FBXW11: variants seen among roughly 807,000 people sequenced by gnomAD.
FBXW11 encodes F-box and WD repeat domain containing 11.
In FBXW11, 19 loss-of-function variants were observed where a neutral mutation model predicts 77.6. The observed-to-expected ratio is 0.24, with a 90% CI of 0.17 to 0.36. The LOEUF is 0.36. FBXW11 is among the 10% of genes least tolerant of loss of function. FBXW11 has a pLI of 1.00. For missense variants in FBXW11, 334 were observed against 704.2 expected (o/e 0.47, Z 5.95); for synonymous variants, 235 against 249.4 (o/e 0.94, Z 0.54).
At chr5:171,967,301 A>G (rs553141229) in intron 1 of FBXW11, among the ~76,000 whole-genome samples, 1 of 152,362 alleles carries the variant, frequency 6.6e-6, no homozygotes, top group East Asian at 1.9e-4. Flanking sequence ...ATCACTGTTC[A>G]TAATAGCAAA....
chr5:172,004,317 C>T (rs1333018554), intron 1 of FBXW11, among the ~76,000 whole-genome samples: 1 of 152,140 alleles, frequency 6.6e-6, no homozygotes, highest in African/African-American at 2.4e-5. Flanking sequence ...AATAAAAGGC[C>T]ATTTTAAAAT....
chr5:171,909,297 A>C (rs898236312), intron 4 of FBXW11, among the ~76,000 whole-genome samples: 1 of 152,166 alleles, frequency 6.6e-6, no homozygotes, highest in Non-Finnish European at 1.5e-5. Flanking sequence ...GAAAAACAAA[A>C]AGGTGGTACA....
At position 171,904,850 on chromosome 5, in the gene FBXW11, G is replaced by C. The variant is rs932210937; in HGVS notation, c.437-4750C>G. On this transcript the variant is annotated intron_variant, in intron 4 of 13. Coordinates refer to ENST00000517395, the MANE Select transcript of FBXW11 (RefSeq NM_001378974.1). The surrounding 1 kb of genome is among the most constrained non-coding windows in gnomAD (Gnocchi z 4.0). Reference sequence around the variant, plus strand: ...CTCCCAAAGTGCTGGGATTACAGGTGTGAGCCACCGTGCCCAGCCAGGAAT... The same window carrying C: ...CTCCCAAAGTGCTGGGATTACAGGTCTGAGCCACCGTGCCCAGCCAGGAAT... Among the ~76,000 whole-genome samples, 5 of 152,056 alleles carry C rather than the reference G, an allele frequency of 3.3e-5. No homozygotes were observed. The highest frequency in any genetic ancestry group is 1.2e-4 in the African/African-American group (5 of 41,390).
chr5:171,889,959 A>G (rs1449660017), intron 7 of FBXW11, among the ~76,000 whole-genome samples: 24 of 152,156 alleles, frequency 1.6e-4, no homozygotes, highest in Admixed American at 1.2e-3. Flanking sequence ...ATATATGCAA[A>G]ACATATCTAG....
chr5:171,983,651 T>C (rs1765275617), intron 1 of FBXW11, among the ~76,000 whole-genome samples: 1 of 152,160 alleles, frequency 6.6e-6, no homozygotes, highest in African/African-American at 2.4e-5. Context: ...TCCCACACAT[T>C]TGGTCACAGA....
chr5:171,969,140 T>C (rs895493897), intron 1 of FBXW11, among the ~76,000 whole-genome samples: 1 of 152,104 alleles, frequency 6.6e-6, no homozygotes, highest in African/African-American at 2.4e-5. Flanking sequence ...TGGTGGCACA[T>C]GCCTGTAACC....
Position 171,931,607 on chromosome 5 carries a change from G to C in FBXW11, c.148-17202C>G, listed in dbSNP as rs1424437619. ...ATAGGAGAAAATCTAGATGATCTTA[G>C]GTTTGTTGATTACTTTCTTAGACAT... On this transcript the variant is annotated intron_variant, in intron 2 of 13. Transcript: ENST00000517395. Among the ~76,000 whole-genome samples the C allele has an allele frequency of 3.9e-5, 6 of 152,118 alleles. No homozygotes were observed. The East Asian group carries it at 1.2e-3, about 29-fold the overall frequency.
intron 2 of FBXW11, among the ~76,000 whole-genome samples, chr5:171,923,285 C>A (rs779485267): frequency 2.0e-5 from 3 of 152,138 alleles, no homozygotes; most frequent in Non-Finnish European, 2.9e-5. Flanking sequence ...TATATATATT[C>A]TAGAATGAAC....
chr5:171,889,911 A>T lies in FBXW11; in HGVS notation c.852+1556T>A, dbSNP rs191906375. Among the ~76,000 whole-genome samples the T allele has an allele frequency of 3.1e-3, 467 of 152,252 alleles. 3 individuals are homozygous for T. The highest frequency in any genetic ancestry group is 4.8e-3 in the Non-Finnish European group (329 of 68,020). On this transcript the variant is annotated intron_variant, in intron 7 of 13. Transcript: ENST00000517395. ...GTCTCAAAAAAAATTTTTTTTAAAT[A>T]AAAAGAAAATGAAAAGACAACTCAC...
chr5:171,931,860 C>CT (rs1762220597), intron 2 of FBXW11, among the ~76,000 whole-genome samples: 1 of 6,274 alleles, frequency 1.6e-4, no homozygotes, highest in Non-Finnish European at 4.3e-4. Flanking sequence ...TCCCTCCCTC[C>CT]CTCTCTCTCT....
chr5:171,965,295 G>T (rs1372595663), intron 1 of FBXW11, among the ~76,000 whole-genome samples: 1 of 152,126 alleles, frequency 6.6e-6, no homozygotes, highest in Non-Finnish European at 1.5e-5. Flanking sequence ...GGAGGCCAAG[G>T]CAGGAGATTA....
chr5:171,866,256 C>G (rs1757382737), intron 13 of FBXW11, among the ~76,000 whole-genome samples: 1 of 143,402 alleles, frequency 7.0e-6, no homozygotes, highest in African/African-American at 2.7e-5. Flanking sequence ...CAGAGCAAGA[C>G]ATTGTCTCAA....
chr5:171,919,786 C>T (rs1761471038), intron 2 of FBXW11, among the ~76,000 whole-genome samples: 1 of 152,194 alleles, frequency 6.6e-6, no homozygotes. Flanking sequence ...CCCAGTTAGA[C>T]TGCATATATA....
intron 1 of FBXW11, among the ~76,000 whole-genome samples, chr5:171,983,144 TG>T (rs1765243589): frequency 6.6e-6 from 1 of 152,074 alleles, no homozygotes; most frequent in South Asian, 2.1e-4. Context: ...GAGCTGTTTG[TG>T]CCGCTACACT....
rs1399832821 is a variant in FBXW11, at chr5:171,899,943, T to C, written c.594A>G (p.Leu198=). 1.2e-6 allele frequency: 2 copies of C among 1,611,442 alleles called. No individual in the cohort carries two copies. The highest frequency in any genetic ancestry group is 2.2e-5 in the East Asian group (1 of 44,800). Residue 198 remains leucine (L), a synonymous_variant, in exon 5 of 14, where the codon CTA becomes CTG. Transcript: ENST00000517395. ...CTCTTCTTTCTGAAAGTCCTTTCCA[T>C]AGGGGATCAGTGCGTACCATTCGTT... ...LIERMVRTDP[L]WKGLSERRGW...
At chr5:171,908,465 ACTTCTCCTTGGCTTC>A (rs945854698) in intron 4 of FBXW11, among the ~76,000 whole-genome samples, 6 of 151,068 alleles carry the variant, frequency 4.0e-5, no homozygotes. Flanking sequence ...CACCCAATTA[ACTTCTCCTTGGCTTC>A]CTAATCTACA....
chr5:172,004,739 A>G (rs895190944), intron 1 of FBXW11, among the ~76,000 whole-genome samples: 1 of 152,174 alleles, frequency 6.6e-6, no homozygotes. Context: ...AGTCGATTTA[A>G]GATAGTTACC....
intron 2 of FBXW11, among the ~76,000 whole-genome samples, chr5:171,940,581 T>C (rs1391134331): frequency 2.6e-4 from 40 of 152,118 alleles, no homozygotes; most frequent in Non-Finnish European, 5.9e-5. Context: ...TAAACAATTA[T>C]GAGAACAGAT....
At chr5:171,872,817 G>A (rs1335128704) in intron 10 of FBXW11, 55 bp downstream of exon 10, 1 of 1,296,138 alleles carries the variant, frequency 7.7e-7, no homozygotes, top group Non-Finnish European at 1.1e-6. Context: ...TAGGAGATGA[G>A]TCAACAATGT....
Sources: allele counts gnomAD v4.1 joint callset (sites outside exome capture counted in the v4.1 genomes callset), GRCh38; gene constraint gnomAD v4.1.1; non-coding constraint Gnocchi (gnomAD v3.1); transcripts MANE v1.5; gene names NCBI Gene and HGNC (gene_info 2026-07-23, HGNC 2026-07-21).